MDFI: variants seen among roughly 807,000 people sequenced by gnomAD.
The protein encoded by MDFI is inhibitor of MyoD family a.
Under a neutral mutation model 22.3 loss-of-function variants are expected in MDFI, and 16 were observed. The ratio of observed to expected loss-of-function variants is 0.72; its 90% confidence interval spans 0.49 to 1.09. The LOEUF (loss-of-function observed/expected upper bound fraction) is 1.09. Ranked by LOEUF, MDFI falls within the 50% of genes least tolerant of loss-of-function variation. MDFI has a pLI of 0.00. For missense variants in MDFI, 314 were observed against 326.1 expected (o/e 0.96, Z 0.29); for synonymous variants, 145 against 142.7 (o/e 1.02, Z -0.12).
In MDFI at chr6:41,653,366, A is replaced by G; in HGVS notation, c.532A>G (p.Thr178Ala). ...GTCCTGCCTGTTCTGCGAGTTCCTG[A>G]CGCTGTGCAACATCGTCCTGGACTG... is the stretch of plus-strand genomic sequence containing the variant. ...ILSCLFCEFL[T>A]LCNIVLDCAT... The change falls in exon 5 of 5, where the codon ACG becomes GCG. Residue 178 changes from threonine to alanine, a missense_variant. Thr to Ala is a moderately conservative substitution (Grantham distance 58, BLOSUM62 0). Coordinates refer to ENST00000230321, the MANE Select transcript of MDFI (RefSeq NM_005586.4). This position sits in a 1 kb window ranked among gnomAD's most constrained non-coding sequence, Gnocchi z 4.2. The G allele has an allele frequency of 6.2e-7, 1 of 1,612,118 alleles. No homozygotes were observed. Among genetic ancestry groups the G allele is most frequent in the South Asian group, 1.1e-5 (1 of 91,056 alleles).
chr6:41,647,025 C>G (rs529777217), intron 3 of MDFI, among the ~76,000 whole-genome samples: 144 of 152,284 alleles, frequency 9.5e-4, no homozygotes, highest in African/African-American at 3.0e-3. Flanking sequence ...GTCTCCCGGC[C>G]CAACACTCTT....
intron 2 of MDFI, chr6:41,639,726 T>G: frequency 2.0e-6 from 2 of 985,410 alleles, no homozygotes; most frequent in South Asian, 9.4e-5. Context: ...GTTGCCTTCC[T>G]CCCCACCAGC....
intron 4 of MDFI, 88 bp downstream of exon 4, chr6:41,649,931 A>C: frequency 8.9e-7 from 1 of 1,124,970 alleles, no homozygotes; most frequent in Non-Finnish European, 1.3e-6. Flanking sequence ...GAGCACCTTC[A>C]CCAGGCTGTT....
chr6:41,649,718 C>G lies in MDFI; in HGVS notation c.359C>G (p.Ala120Gly). 5.0e-6 allele frequency: 8 copies of G among 1,614,082 alleles called. No homozygotes were observed. Among genetic ancestry groups the G allele is most frequent in the Non-Finnish European group, 6.8e-6 (8 of 1,180,008 alleles). The stretch of plus-strand genomic sequence containing the variant: ...GGCACCAGACGGGCGGGGAATGGTG[C>G]CCTGGGTGGCCCCAAGGCCCACCGG... ...LGGTRRAGNGALGGPKAHRKL... is the reference protein window; with the variant it reads ...LGGTRRAGNGGLGGPKAHRKL... Residue 120 changes from alanine (A) to glycine (G), a missense_variant, in exon 4 of 5, where the codon GCC (alanine) becomes GGC (glycine). Ala to Gly is a moderately conservative substitution (Grantham distance 60, BLOSUM62 0). Coordinates refer to ENST00000230321, the MANE Select transcript of MDFI (RefSeq NM_005586.4).
At chr6:41,640,105 C>A (rs1348302774) in intron 2 of MDFI, among the ~76,000 whole-genome samples, 2 of 152,248 alleles carry the variant, frequency 1.3e-5, no homozygotes, top group Non-Finnish European at 2.9e-5. Flanking sequence ...GGATGAGCGC[C>A]TCCAAGAATT....
At chr6:41,649,343 A>G (rs917490786) in intron 3 of MDFI, among the ~76,000 whole-genome samples, 1 of 152,162 alleles carries the variant, frequency 6.6e-6, no homozygotes, top group Non-Finnish European at 1.5e-5. Context: ...AACAAAGGAG[A>G]GGTCCAGGGC....
In MDFI at chr6:41,649,679, C is replaced by T; in HGVS notation, c.320C>T (p.Pro107Leu). The part of the protein sequence containing the change: ...TPLLPNDSGH[P>L]SELGGTRRAG... Reference sequence around the variant, plus strand: ...CTTCTGCCGAATGACTCTGGCCACCCCTCAGAGCTGGGCGGCACCAGACGG... The same window carrying T: ...CTTCTGCCGAATGACTCTGGCCACCTCTCAGAGCTGGGCGGCACCAGACGG... The change falls in exon 4 of 5, where the codon CCC (proline) becomes CTC (leucine). Residue 107 changes from proline (P) to leucine (L), a missense_variant. Physicochemically the swap from Pro to Leu is moderately conservative, Grantham distance 98. Coordinates refer to ENST00000230321, the MANE Select transcript of MDFI (RefSeq NM_005586.4). The T allele has an allele frequency of 6.2e-7, 1 of 1,613,706 alleles. No homozygotes were observed. Among genetic ancestry groups the T allele is most frequent in the African/African-American group, 1.3e-5 (1 of 75,054 alleles).
rs1372216993 is a variant in MDFI at position 41,638,992 on chromosome 6, G to C, written c.76+167G>C. On this transcript the variant is annotated intron_variant, in intron 2 of 4. Coordinates refer to ENST00000230321, the MANE Select transcript of MDFI (RefSeq NM_005586.4). This position sits in a 1 kb window ranked among gnomAD's most constrained non-coding sequence, Gnocchi z 7.6. Reference sequence around the variant, plus strand: ...TTGAGGACTTGGTCCAAGGAGAGTAGGGGGCTGGGCGAGGGAGGCAGGGCC... The same window carrying C: ...TTGAGGACTTGGTCCAAGGAGAGTACGGGGCTGGGCGAGGGAGGCAGGGCC... Among the ~76,000 whole-genome samples, 1 of 152,158 alleles carries C rather than the reference G, an allele frequency of 6.6e-6. No homozygotes were observed.
chr6:41,639,220 T>G, intron 2 of MDFI: 2 of 985,178 alleles, frequency 2.0e-6, no homozygotes, highest in Non-Finnish European at 2.4e-6. Context: ...TCTGAATCTT[T>G]CTCTACTTCC....
In MDFI at chr6:41,646,243, AT is replaced by A. The variant is rs1768048307; in HGVS notation, c.195del (p.Asn65LysfsTer21). On this transcript the variant is annotated frameshift_variant, in exon 3 of 5. Coordinates refer to ENST00000230321, the MANE Select transcript of MDFI (RefSeq NM_005586.4). LOFTEE classifies it high-confidence loss of function. ...GCGGCAACCCCCATGCCCCAAGGCAATGGCCCTGGCATCCCCCAGGGCCTGG... is the reference window on the plus strand; with the variant it reads ...GCGGCAACCCCCATGCCCCAAGGCAAGGCCCTGGCATCCCCCAGGGCCTGG... ...EEAATPMPQG[N>X]GPGIPQGLDS... The A allele has an allele frequency of 6.3e-7, 1 of 1,582,926 alleles. No homozygotes were observed. The highest frequency in any genetic ancestry group is 1.4e-5 in the African/African-American group (1 of 73,462).
At chr6:41,642,217 T>C (rs1767876459) in intron 2 of MDFI, among the ~76,000 whole-genome samples, 1 of 152,110 alleles carries the variant, frequency 6.6e-6, no homozygotes, top group African/African-American at 2.4e-5. Context: ...AGGTGCGCAG[T>C]TGGGTGAGCA....
At chr6:41,649,115 C>T (rs1196167208) in intron 3 of MDFI, among the ~76,000 whole-genome samples, 1 of 152,194 alleles carries the variant, frequency 6.6e-6, no homozygotes, top group Non-Finnish European at 1.5e-5. Flanking sequence ...GATTCCAGAG[C>T]CAGGCGTTCA....
At chr6:41,642,144 G>A (rs538131801) in intron 2 of MDFI, among the ~76,000 whole-genome samples, 9 of 152,250 alleles carry the variant, frequency 5.9e-5, no homozygotes, top group African/African-American at 2.2e-4. Flanking sequence ...GCTTCTGCTC[G>A]GAGCCAGCAT....
At position 41,653,329 on chromosome 6, in the gene MDFI, C is replaced by T; in HGVS notation, c.495C>T (p.Val165=). ...ACCGCCACCCCGCAGACTGCTGTGT[C>T]CACTGCATCCTGTCCTGCCTGTTCT... is the stretch of plus-strand genomic sequence containing the variant. ...IPLQAQEDCC[V]HCILSCLFCE... The change falls in exon 5 of 5, where the codon GTC becomes GTT. Residue 165 remains valine (V), a synonymous_variant. Transcript: ENST00000230321. The surrounding 1 kb of genome is among the most constrained non-coding windows in gnomAD (Gnocchi z 4.2). 1 of 1,612,220 alleles carries T rather than the reference C, an allele frequency of 6.2e-7. No homozygotes were observed. The highest frequency in any genetic ancestry group is 8.5e-7 in the Non-Finnish European group (1 of 1,179,480).
At chr6:41,648,508 C>G (rs1581839690) in intron 3 of MDFI, among the ~76,000 whole-genome samples, 1 of 152,220 alleles carries the variant, frequency 6.6e-6, no homozygotes, top group Non-Finnish European at 1.5e-5. Flanking sequence ...CTCCCCTCTC[C>G]TTGGGCTCCA....
upstream of MDFI, among the ~76,000 whole-genome samples, chr6:41,637,953 CG>C (rs1372677423): frequency 6.6e-6 from 1 of 152,270 alleles, no homozygotes; most frequent in East Asian, 1.9e-4. This position sits in a 1 kb window ranked among gnomAD's most constrained non-coding sequence, Gnocchi z 6.8. Flanking sequence ...GCGCTGTGGG[CG>C]GGTGGCCTGG....
chr6:41,639,238 C>T, intron 2 of MDFI: 1 of 985,342 alleles, frequency 1.0e-6, no homozygotes, highest in Non-Finnish European at 1.2e-6. Context: ...TCCCTTCCCC[C>T]AGCCCAACCA....
intron 4 of MDFI, among the ~76,000 whole-genome samples, chr6:41,652,780 C>T (rs2127437068): frequency 6.6e-6 from 1 of 152,076 alleles, no homozygotes; most frequent in Admixed American, 6.5e-5. Flanking sequence ...CCACGCCCAG[C>T]TAATTTTTTG....
chr6:41,643,114 C>A (rs551143338), intron 2 of MDFI, among the ~76,000 whole-genome samples: 2 of 152,124 alleles, frequency 1.3e-5, no homozygotes, highest in Non-Finnish European at 2.9e-5. Flanking sequence ...CCTGTCATGC[C>A]CTGCTATCAT....
Sources: allele counts gnomAD v4.1 joint callset (sites outside exome capture counted in the v4.1 genomes callset), GRCh38; gene constraint gnomAD v4.1.1; non-coding constraint Gnocchi (gnomAD v3.1); transcripts MANE v1.5; gene names NCBI Gene and HGNC (gene_info 2026-07-23, HGNC 2026-07-21).